Variants in INTS9 observed in about 807,000 individuals in gnomAD.
The protein encoded by INTS9 is integrator complex subunit 9.
INTS9 carries 55 observed loss-of-function variants against 79.7 expected under a neutral mutation model. The ratio of observed to expected loss-of-function variants is 0.69; its 90% CI spans 0.56 to 0.86. The LOEUF is 0.86. INTS9 is among the 40% of genes least tolerant of loss of function. The pLI is 0.00. For synonymous variants in INTS9, 319 were observed against 325.2 expected (o/e 0.98, Z 0.20); for missense variants, 721 against 831.5 (o/e 0.87, Z 1.64).
intron 8 of INTS9, among the ~76,000 whole-genome samples, chr8:28,797,340 T>C (rs553521333): frequency 6.6e-6 from 1 of 152,304 alleles, no homozygotes; most frequent in African/African-American, 2.4e-5. Flanking sequence ...ATAGAAGCCA[T>C]GAAGAACCCT....
At chr8:28,834,140 A>G (rs1191960707) in intron 6 of INTS9, among the ~76,000 whole-genome samples, 1 of 152,070 alleles carries the variant, frequency 6.6e-6, no homozygotes, top group Non-Finnish European at 1.5e-5. Flanking sequence ...AGTTCTTTTC[A>G]ATTCTATCTC....
Position 28,793,931 on chromosome 8 carries a change from T to A in INTS9, c.913A>T (p.Ile305Phe). The A allele has an allele frequency of 6.2e-7, 1 of 1,613,940 alleles. No homozygotes were observed. The highest frequency in any genetic ancestry group is 8.5e-7 in the Non-Finnish European group (1 of 1,179,900). The change falls in exon 10 of 17, where the codon ATC becomes TTC. Residue 305 changes from isoleucine (I) to phenylalanine (F), a missense_variant. Physicochemically the swap from Ile to Phe is conservative, Grantham distance 21 (BLOSUM62 0). Transcript: ENST00000521022. Reference sequence around the variant, plus strand: ...TATAGGCACTCCAGGAGGTCATAGATCACTCCAGAAGGGTAGCAGGGAACC... The same window carrying A: ...TATAGGCACTCCAGGAGGTCATAGAACACTCCAGAAGGGTAGCAGGGAACC... ...VLVPCYPSGV[I>F]YDLLECLYQY...
At chr8:28,864,972 TG>T (rs1808656039) in intron 1 of INTS9, among the ~76,000 whole-genome samples, 1 of 136,444 alleles carries the variant, frequency 7.3e-6, no homozygotes. Flanking sequence ...AGAGACACAG[TG>T]AGACACCGTC....
rs780467640 is a variant in INTS9, at chr8:28,837,677, C to T, written c.361G>A (p.Gly121Ser). 1 of 1,613,774 alleles carries T rather than the reference C, an allele frequency of 6.2e-7. No individual in the cohort carries two copies. Among genetic ancestry groups the T allele is most frequent in the Non-Finnish European group, 8.5e-7 (1 of 1,179,986 alleles). The change falls in exon 5 of 17, where the codon GGC (glycine) becomes AGC (serine). Residue 121 changes from glycine to serine, a missense_variant. Physicochemically the swap from Gly to Ser is moderately conservative, Grantham distance 56 (BLOSUM62 0). Transcript: ENST00000521022. ...GTGGGTTCCGTGGCATACACTGTGC[C>T]TGTGAAGCCGGTGTGCTCGGTGATG... is the stretch of plus-strand genomic sequence containing the variant. ...PYITEHTGFT[G>S]TVYATEPTVQ...
At chr8:28,830,100 T>C (rs143657234) in intron 6 of INTS9, among the ~76,000 whole-genome samples, 3 of 150,808 alleles carry the variant, frequency 2.0e-5, no homozygotes, top group South Asian at 4.2e-4. Flanking sequence ...ATAGAGGCTA[T>C]ATAATGGGAA....
chr8:28,884,927 G>A (rs963596013), intron 1 of INTS9, among the ~76,000 whole-genome samples: 1 of 152,164 alleles, frequency 6.6e-6, no homozygotes, highest in Admixed American at 6.5e-5. Flanking sequence ...ATGTAAACTG[G>A]AGGAAGAATC....
intron 6 of INTS9, among the ~76,000 whole-genome samples, chr8:28,825,642 C>T (rs1347330426): frequency 1.3e-5 from 2 of 152,160 alleles, no homozygotes; most frequent in African/African-American, 4.8e-5. Context: ...AACAGCCTTG[C>T]TCAAAAAGAG....
intron 10 of INTS9, among the ~76,000 whole-genome samples, chr8:28,793,067 C>T (rs1050982213): frequency 6.6e-6 from 1 of 152,084 alleles, no homozygotes; most frequent in Non-Finnish European, 1.5e-5. Flanking sequence ...CTGAATATAT[C>T]ATGAGAAGAT....
chr8:28,806,721 T>C (rs241161), intron 8 of INTS9, among the ~76,000 whole-genome samples: 77,873 of 152,086 alleles, frequency 0.51, 22,514 homozygotes, highest in Non-Finnish European at 0.66. Flanking sequence ...TCTAATCCTA[T>C]GTCTAATCAG....
chr8:28,816,207 G>T (rs1432734358), intron 6 of INTS9, among the ~76,000 whole-genome samples: 1 of 151,044 alleles, frequency 6.6e-6, no homozygotes, highest in African/African-American at 2.4e-5. Context: ...CAATGTGCAG[G>T]TTAGTTACAT....
intron 9 of INTS9, among the ~76,000 whole-genome samples, chr8:28,795,059 T>C (rs1390984987): frequency 6.6e-6 from 1 of 152,258 alleles, no homozygotes; most frequent in Non-Finnish European, 1.5e-5. Context: ...TTTATTAGCA[T>C]GGCTAAGTTT....
chr8:28,847,029 G>T (rs1807558504), intron 3 of INTS9, among the ~76,000 whole-genome samples: 1 of 152,192 alleles, frequency 6.6e-6, no homozygotes, highest in African/African-American at 2.4e-5. Context: ...CTCAGGACTT[G>T]AAGGCACATT....
chr8:28,795,631 C>A (rs1804165135), intron 9 of INTS9, among the ~76,000 whole-genome samples: 2 of 106,164 alleles, frequency 1.9e-5, no homozygotes, highest in Admixed American at 1.3e-4. Context: ...CAGAGCAAGA[C>A]TCCGTCTCAA....
At chr8:28,846,939 G>C in intron 3 of INTS9, 130 bp from the exon 4 acceptor site, 1 of 713,962 alleles carries the variant, frequency 1.4e-6, no homozygotes, top group Non-Finnish European at 2.4e-6. Context: ...AAGCTGGGAG[G>C]TTATTAGGCC....
chr8:28,854,543 T>C (rs923444607), intron 2 of INTS9, among the ~76,000 whole-genome samples: 2 of 152,156 alleles, frequency 1.3e-5, no homozygotes, highest in African/African-American at 4.8e-5. Flanking sequence ...AGGTGCAGTG[T>C]TGCAGGCAAG....
intron 6 of INTS9, among the ~76,000 whole-genome samples, chr8:28,829,293 A>G (rs934188282): frequency 2.0e-5 from 3 of 152,192 alleles, no homozygotes; most frequent in Non-Finnish European, 4.4e-5. Context: ...CCAGAATTAC[A>G]TTGTGAGGGA....
chr8:28,811,128 CT>C (rs34004264), intron 8 of INTS9, among the ~76,000 whole-genome samples: 6,460 of 142,088 alleles, frequency 0.045, 328 homozygotes, highest in African/African-American at 0.14. Context: ...CTTTCTCTCT[CT>C]TTTTTTTTTT....
intron 1 of INTS9, among the ~76,000 whole-genome samples, chr8:28,860,475 CTT>C (rs769131992): frequency 4.2e-5 from 6 of 143,910 alleles, no homozygotes; most frequent in Non-Finnish European, 4.6e-5. Context: ...CCATTCTCTC[CTT>C]TTTTTTTTTT....
At chr8:28,881,961 C>T (rs1333745211) in intron 1 of INTS9, among the ~76,000 whole-genome samples, 2 of 145,440 alleles carry the variant, frequency 1.4e-5, no homozygotes, top group Admixed American at 6.7e-5. Flanking sequence ...GTGTGCCCAG[C>T]GGCTCATTGG....
Sources: allele counts gnomAD v4.1 joint callset (sites outside exome capture counted in the v4.1 genomes callset), GRCh38; gene constraint gnomAD v4.1.1; transcripts MANE v1.5; gene names NCBI Gene and HGNC (gene_info 2026-07-23, HGNC 2026-07-21).